USP32: variants seen among roughly 807,000 people sequenced by gnomAD.
The protein encoded by USP32 is ubiquitin carboxyl-terminal hydrolase 32.
In USP32, 59 loss-of-function variants were observed where a neutral mutation model predicts 204.8. That is an observed-to-expected ratio of 0.29 (90% CI 0.23 to 0.36). The LOEUF (loss-of-function observed/expected upper bound fraction) is 0.36, where lower values mean the gene tolerates loss of function less well. Ranked by LOEUF, USP32 falls within the 10% of genes least tolerant of loss-of-function variation. The pLI is 1.00. For missense variants in USP32, 1,160 were observed against 1,946.4 expected, an observed-to-expected ratio of 0.60 and a Z score of 7.60; for synonymous variants, 517 against 678.4, an observed-to-expected ratio of 0.76 and a Z score of 3.70.
In USP32 at chr17:60,391,873, C is replaced by T; in HGVS notation, c.58+9G>A. 1 of 1,607,762 alleles carries T rather than the reference C, an allele frequency of 6.2e-7. No homozygotes were observed. ...CCCAGGCAGCTCGCCCAGACCCCTC[C>T]CCCCTCACCTCTCCTCAGCGCCTCC... On this transcript the variant is annotated intron_variant, in intron 1 of 33. Coordinates refer to ENST00000300896, the MANE Select transcript of USP32 (RefSeq NM_032582.4).
intron 1 of USP32, among the ~76,000 whole-genome samples, chr17:60,379,987 CAT>C (rs199517729): frequency 7.9e-5 from 12 of 152,228 alleles, no homozygotes; most frequent in South Asian, 2.1e-4. Context: ...ACACATAAAA[CAT>C]GTGTTATTTA....
At chr17:60,255,781 A>C (rs1281625802) in intron 9 of USP32, among the ~76,000 whole-genome samples, 4 of 152,180 alleles carry the variant, frequency 2.6e-5, no homozygotes, top group Admixed American at 2.6e-4. Context: ...AATTCACTAA[A>C]TATCTCTGAA....
At chr17:60,281,742 C>G (rs2086972415) in intron 5 of USP32, among the ~76,000 whole-genome samples, 1 of 152,092 alleles carries the variant, frequency 6.6e-6, no homozygotes, top group Admixed American at 6.6e-5. Context: ...GTCTGTGTGA[C>G]ACAGAGGTTG....
chr17:60,360,164 G>A (rs551744500), intron 1 of USP32, among the ~76,000 whole-genome samples: 33 of 150,592 alleles, frequency 2.2e-4, no homozygotes, highest in African/African-American at 7.5e-4. Flanking sequence ...CACCGCGCCC[G>A]GCCCTGTAAG....
At chr17:60,246,168 A>G (rs1357082358) in intron 11 of USP32, among the ~76,000 whole-genome samples, 2 of 151,912 alleles carry the variant, frequency 1.3e-5, no homozygotes, top group Non-Finnish European at 2.9e-5. Context: ...CCTCTCTTCA[A>G]TATTATCCCT....
At chr17:60,356,438 A>G (rs933667286) in intron 1 of USP32, among the ~76,000 whole-genome samples, 3 of 152,126 alleles carry the variant, frequency 2.0e-5, no homozygotes, top group African/African-American at 7.2e-5. Context: ...CAGGAAGTGA[A>G]GGCTAAAGCA....
chr17:60,380,690 A>G (rs572964200), intron 1 of USP32, among the ~76,000 whole-genome samples: 23 of 152,336 alleles, frequency 1.5e-4, no homozygotes, highest in Non-Finnish European at 1.9e-4. Context: ...TATAAATTAC[A>G]TGGGAGAAAA....
chr17:60,211,203 C>G, intron 20 of USP32, 85 bp from the exon 21 acceptor site: 1 of 1,544,218 alleles, frequency 6.5e-7, no homozygotes, highest in Non-Finnish European at 8.7e-7. Context: ...CATCTCACAT[C>G]AAAATATCTT....
chr17:60,401,237 G>C (rs1329155809), intron 1 of USP32, among the ~76,000 whole-genome samples: 4 of 151,918 alleles, frequency 2.6e-5, no homozygotes, highest in Non-Finnish European at 4.4e-5. Context: ...GGGCGTGGTG[G>C]TGGGCGCCTG....
rs58487408 is a variant in USP32, at chr17:60,337,590, A to G, written c.186+7891T>C. The stretch of plus-strand genomic sequence containing the variant: ...TAAAGTCTGCCCATCAAGAATAACA[A>G]TTTTGGCTGGGCATAGTAGCTCATG... On this transcript the variant is annotated intron_variant, in intron 2 of 33. Transcript: ENST00000300896. Among the ~76,000 whole-genome samples the G allele has an allele frequency of 2.1e-3, 324 of 152,302 alleles. 1 individual carries two copies. Among genetic ancestry groups the G allele is most frequent in the African/African-American group, 7.4e-3 (309 of 41,568 alleles).
Position 60,199,922 on chromosome 17 carries a change from G to A in USP32, c.3250-1478C>T, listed in dbSNP as rs549882645. Among the ~76,000 whole-genome samples, 18 of 152,314 alleles carry A rather than the reference G, an allele frequency of 1.2e-4. No individual in the cohort carries two copies. The South Asian group carries it at 3.5e-3, about 30-fold the overall frequency. ...TAGAAACTTCAAGCCAGGGCCAGGT[G>A]CAGTGGCTCATGCCTGTAATCCCAG... On this transcript the variant is annotated intron_variant, in intron 26 of 33. Coordinates refer to ENST00000300896, the MANE Select transcript of USP32 (RefSeq NM_032582.4).
chr17:60,391,867 C>T lies in USP32; in HGVS notation c.58+15G>A, dbSNP rs764617478. 127 of 1,604,822 alleles carry T rather than the reference C, an allele frequency of 7.9e-5. No homozygotes were observed. The highest frequency in any genetic ancestry group is 1.0e-4 in the Non-Finnish European group (123 of 1,176,054). On this transcript the variant is annotated intron_variant, in intron 1 of 33. Transcript: ENST00000300896. ...GGGCCTCCCAGGCAGCTCGCCCAGA[C>T]CCCTCCCCCCTCACCTCTCCTCAGC...
At chr17:60,382,568 GA>G (rs998345906) in intron 1 of USP32, among the ~76,000 whole-genome samples, 4 of 151,008 alleles carry the variant, frequency 2.6e-5, no homozygotes, top group African/African-American at 9.7e-5. Flanking sequence ...CTTAGACCAA[GA>G]AAAAAAAAGT....
chr17:60,401,294 A>C (rs965013581), intron 1 of USP32, among the ~76,000 whole-genome samples: 2 of 151,622 alleles, frequency 1.3e-5, no homozygotes, highest in Non-Finnish European at 2.9e-5. Flanking sequence ...AGCGTGAACC[A>C]GGGAGGCGGA....
At chr17:60,376,401 C>A (rs1388418651) in intron 1 of USP32, among the ~76,000 whole-genome samples, 1 of 151,522 alleles carries the variant, frequency 6.6e-6, no homozygotes, top group East Asian at 1.9e-4. Context: ...GTTTCTTCGA[C>A]CTAAGGAAGC....
At chr17:60,331,283 A>G (rs1474157514) in intron 2 of USP32, among the ~76,000 whole-genome samples, 2 of 152,242 alleles carry the variant, frequency 1.3e-5, no homozygotes, top group African/African-American at 4.8e-5. Context: ...GCATATACTT[A>G]GACTGGGTGT....
At chr17:60,362,696 T>C (rs564841832) in intron 1 of USP32, among the ~76,000 whole-genome samples, 1 of 152,370 alleles carries the variant, frequency 6.6e-6, no homozygotes, top group East Asian at 1.9e-4. Context: ...AGTTTATTCA[T>C]TTGCTTCCAG....
At chr17:60,278,333 G>A (rs2086888422) in intron 5 of USP32, among the ~76,000 whole-genome samples, 1 of 151,848 alleles carries the variant, frequency 6.6e-6, no homozygotes, top group Non-Finnish European at 1.5e-5. Context: ...GAGATGAGAA[G>A]TGAAAACTGA....
At chr17:60,410,634 C>T (rs537924513) in intron 1 of USP32, among the ~76,000 whole-genome samples, 1 of 152,096 alleles carries the variant, frequency 6.6e-6, no homozygotes, top group East Asian at 1.9e-4. Flanking sequence ...CACCACTGCA[C>T]GCCAGCCTGG....
Sources: gnomAD v4.1 joint callset for allele counts (sites outside exome capture counted in the v4.1 genomes callset) on GRCh38, gnomAD v4.1.1 for gene constraint, MANE v1.5 for transcripts, NCBI Gene and HGNC (gene_info 2026-07-23, HGNC 2026-07-21) for gene names.